Variants in TTPA observed in about 807,000 individuals in gnomAD.
TTPA encodes the protein alpha tocopherol transfer protein.
TTPA carries 23 observed loss-of-function variants against 25.9 expected under a neutral mutation model. The ratio of observed to expected loss-of-function variants is 0.89; its 90% confidence interval spans 0.64 to 1.26. The LOEUF (loss-of-function observed/expected upper bound fraction) is 1.26, where lower values mean the gene tolerates loss of function less well. Ranked by LOEUF, TTPA falls within the 50% of genes most tolerant of loss-of-function variation. The pLI is 0.00. For synonymous variants in TTPA, 148 were observed against 137.3 expected (o/e 1.08, Z -0.54); for missense variants, 337 against 353.1 (o/e 0.95, Z 0.37).
At chr8:63,065,860 A>G in intron 3 of TTPA, 44 bp downstream of exon 3, 1 of 1,589,296 alleles carries the variant, frequency 6.3e-7, no homozygotes, top group Middle Eastern at 1.7e-4. Context: ...ATTTAAAACT[A>G]TAATTTGGAA....
intron 1 of TTPA, among the ~76,000 whole-genome samples, chr8:63,075,477 T>C (rs990320628): frequency 2.6e-5 from 4 of 152,094 alleles, no homozygotes; most frequent in African/African-American, 7.2e-5. Context: ...CCCAGCACTT[T>C]GGGAGGCCAA....
chr8:63,058,554 C>T (rs1183029375), downstream of TTPA, among the ~76,000 whole-genome samples: 14 of 152,096 alleles, frequency 9.2e-5, no homozygotes, highest in Admixed American at 2.6e-4. Context: ...GACAATTAGA[C>T]AATTATTTGC....
At position 63,085,839 on chromosome 8, in the gene TTPA, G is replaced by A; in HGVS notation, c.183C>T (p.Phe61=). ...TTACCCGCCAGGCCAGGTCCAGATC[G>A]AAATCCCGGGCGCGCAGGAACCGCA... is the stretch of plus-strand genomic sequence containing the variant. ...FLLRFLRARD[F]DLDLAWRLLK... The change falls in exon 1 of 5, where the codon TTC becomes TTT. Residue 61 remains phenylalanine (F), a synonymous_variant. Transcript: ENST00000260116. 2 of 1,536,706 alleles carry A rather than the reference G, an allele frequency of 1.3e-6. No individual in the cohort carries two copies. The highest frequency in any genetic ancestry group is 2.5e-5 in the East Asian group (1 of 40,698).
At chr8:63,073,857 T>G (rs1284955536) in intron 1 of TTPA, among the ~76,000 whole-genome samples, 1 of 152,174 alleles carries the variant, frequency 6.6e-6, no homozygotes, top group Admixed American at 6.5e-5. Context: ...GGATACTGGA[T>G]CTTGTCAAAA....
At position 63,066,106 on chromosome 8, in the gene TTPA, A is replaced by T; in HGVS notation, c.359-9T>A. The stretch of plus-strand genomic sequence containing the variant: ...TTTGGGGTCCCAGTGTGCTAAAAAA[A>T]ATAAAGCATATCATATCTTAGCATT... On this transcript the variant is annotated splice_polypyrimidine_tract_variant and intron_variant, in intron 2 of 4. Transcript: ENST00000260116. The T allele has an allele frequency of 1.2e-6, 2 of 1,612,324 alleles. No individual in the cohort carries two copies. Among genetic ancestry groups the T allele is most frequent in the African/African-American group, 1.3e-5 (1 of 75,008 alleles).
In TTPA at chr8:63,064,222, T is replaced by G. The variant is rs1356493534; in HGVS notation, c.647A>C (p.Glu216Ala). 2.5e-6 allele frequency: 4 copies of G among 1,612,290 alleles called. No homozygotes were observed. The highest frequency in any genetic ancestry group is 2.5e-6 in the Non-Finnish European group (3 of 1,178,892). The change falls in exon 4 of 5, where the codon GAA becomes GCA. Residue 216 changes from glutamate to alanine, a missense_variant. Transcript: ENST00000260116. ...VFSMIKPFLTEKIKERIHMHG... is the reference protein window; with the variant it reads ...VFSMIKPFLTAKIKERIHMHG... Reference sequence around the variant, plus strand: ...TTTACTCACCCGTTCCTTAATTTTTTCAGTCAGGAATGGTTTGATCATGGA... The same window carrying G: ...TTTACTCACCCGTTCCTTAATTTTTGCAGTCAGGAATGGTTTGATCATGGA...
chr8:63,079,457 T>C (rs544515797), intron 1 of TTPA, among the ~76,000 whole-genome samples: 106 of 151,174 alleles, frequency 7.0e-4, no homozygotes, highest in South Asian at 6.9e-3. Context: ...ACATATAGGC[T>C]CAAAATAAAG....
intron 1 of TTPA, among the ~76,000 whole-genome samples, chr8:63,079,042 T>G (rs1204467887): frequency 6.6e-6 from 1 of 152,160 alleles, no homozygotes; most frequent in Non-Finnish European, 1.5e-5. Flanking sequence ...TTCAACATTC[T>G]TAAAGAAAAG....
intron 3 of TTPA, among the ~76,000 whole-genome samples, chr8:63,065,212 C>T (rs375743360): frequency 2.6e-5 from 4 of 152,088 alleles, no homozygotes; most frequent in Admixed American, 6.5e-5. Context: ...GTTATAAGCA[C>T]GACTTTTACA....
rs372004140 is a variant in TTPA, at chr8:63,064,370, C to T, written c.553-54G>A. On this transcript the variant is annotated intron_variant, in intron 3 of 4. Coordinates refer to ENST00000260116, the MANE Select transcript of TTPA (RefSeq NM_000370.3). ...AAAACATAAATATTACAATCTGATA[C>T]CTAATGTCAAGTTTCTTCTTTGAAC... is the stretch of plus-strand genomic sequence containing the variant. 17 of 1,237,734 alleles carry T rather than the reference C, an allele frequency of 1.4e-5. 1 individual carries two copies. The highest frequency in any genetic ancestry group is 5.0e-5 in the East Asian group (2 of 39,650). The allele number at this position is 1,237,734 out of a possible 1,614,324, so 76.7% of individuals were successfully genotyped here.
At chr8:63,083,541 C>T (rs1012279517) in intron 1 of TTPA, among the ~76,000 whole-genome samples, 9 of 151,524 alleles carry the variant, frequency 5.9e-5, no homozygotes, top group African/African-American at 1.9e-4. Flanking sequence ...ATGTAAATGA[C>T]GAGTTGATGG....
At chr8:63,077,485 A>G (rs1322653872) in intron 1 of TTPA, among the ~76,000 whole-genome samples, 2 of 152,250 alleles carry the variant, frequency 1.3e-5, no homozygotes, top group Non-Finnish European at 2.9e-5. Flanking sequence ...AGGTCTTAGC[A>G]ACTGGCACAC....
At position 63,080,731 on chromosome 8, in the gene TTPA, A is replaced by T. The variant is rs567695510; in HGVS notation, c.204+5087T>A. Among the ~76,000 whole-genome samples, 362 of 141,428 alleles carry T rather than the reference A, an allele frequency of 2.6e-3. 2 individuals are homozygous for T. The highest frequency in any genetic ancestry group is 3.1e-3 in the African/African-American group (107 of 34,492). 92.8% of individuals were successfully genotyped at this position (141,428 alleles called of 152,430 possible). Reference sequence around the variant, plus strand: ...CGAGACTCCGTATCAAAAAAAAAAAAAAAATAAATAATAATAATAATAAAG... The same window carrying T: ...CGAGACTCCGTATCAAAAAAAAAAATAAAATAAATAATAATAATAATAAAG... On this transcript the variant is annotated intron_variant, in intron 1 of 4. Coordinates refer to ENST00000260116, the MANE Select transcript of TTPA (RefSeq NM_000370.3).
intron 2 of TTPA, among the ~76,000 whole-genome samples, chr8:63,069,472 A>G (rs938033730): frequency 2.6e-5 from 4 of 151,978 alleles, no homozygotes; most frequent in Non-Finnish European, 5.9e-5. Flanking sequence ...GTTCATGCCT[A>G]GAATCCCAGC....
intron 1 of TTPA, 33 bp from the exon 2 acceptor site, chr8:63,073,121 G>A: frequency 1.3e-6 from 2 of 1,531,898 alleles, no homozygotes. Flanking sequence ...TCTACAAATG[G>A]CATACATGGT....
chr8:63,075,346 G>C (rs1805545753), intron 1 of TTPA, among the ~76,000 whole-genome samples: 1 of 152,172 alleles, frequency 6.6e-6, no homozygotes, highest in South Asian at 2.1e-4. Flanking sequence ...CACTTTTATA[G>C]GGTCTAATGC....
At chr8:63,075,300 T>G (rs1339201819) in intron 1 of TTPA, among the ~76,000 whole-genome samples, 1 of 152,218 alleles carries the variant, frequency 6.6e-6, no homozygotes, top group African/African-American at 2.4e-5. Context: ...ATGTTTCATG[T>G]ACTTTGAAAC....
At chr8:63,066,898 G>A (rs924177322) in intron 2 of TTPA, among the ~76,000 whole-genome samples, 4 of 152,064 alleles carry the variant, frequency 2.6e-5, no homozygotes, top group African/African-American at 9.7e-5. Flanking sequence ...TAAGAAAGCA[G>A]GAGACACTAA....
downstream of TTPA, among the ~76,000 whole-genome samples, chr8:63,059,384 A>C (rs904683160): frequency 2.0e-5 from 3 of 152,144 alleles, no homozygotes; most frequent in African/African-American, 7.2e-5. Flanking sequence ...CCCAATACTA[A>C]GTCAAAATCA....
Sources: gnomAD v4.1 joint callset for allele counts (sites outside exome capture counted in the v4.1 genomes callset) on GRCh38, gnomAD v4.1.1 for gene constraint, MANE v1.5 for transcripts, NCBI Gene and HGNC (gene_info 2026-07-23, HGNC 2026-07-21) for gene names.